SIPA1L1: variants seen among roughly 807,000 people sequenced by gnomAD.
SIPA1L1 encodes signal induced proliferation associated 1 like 1.
SIPA1L1 carries 26 observed loss-of-function variants against 162.7 expected under a neutral mutation model. The observed-to-expected ratio is 0.16, with a 90% CI of 0.12 to 0.22. The LOEUF (loss-of-function observed/expected upper bound fraction) is 0.22. Ranked by LOEUF, SIPA1L1 falls within the 10% of genes least tolerant of loss-of-function variation. The pLI, the probability that SIPA1L1 is intolerant of heterozygous loss-of-function variation, is 1.00. For missense variants in SIPA1L1, 1,874 were observed against 2,241.0 expected (o/e 0.84, Z 3.31); for synonymous variants, 829 against 837.4 (o/e 0.99, Z 0.17).
At chr14:71,571,568 A>G (rs1355449532) in intron 4 of SIPA1L1, among the ~76,000 whole-genome samples, 1 of 152,192 alleles carries the variant, frequency 6.6e-6, no homozygotes, top group African/African-American at 2.4e-5. Flanking sequence ...AGTTAATGAA[A>G]TAATACCTTT....
chr14:71,580,185 C>T (rs1034545245), intron 4 of SIPA1L1, among the ~76,000 whole-genome samples: 2 of 152,176 alleles, frequency 1.3e-5, no homozygotes, highest in African/African-American at 4.8e-5. Flanking sequence ...TTCTTCTTCC[C>T]CAGTATGCGA....
At chr14:71,554,430 G>C (rs540277131) in intron 4 of SIPA1L1, among the ~76,000 whole-genome samples, 1 of 152,100 alleles carries the variant, frequency 6.6e-6, no homozygotes, top group African/African-American at 2.4e-5. Context: ...AAATGTATCT[G>C]CTTTTCTGAT....
At chr14:71,421,182 TA>T (rs2043161995) in intron 2 of SIPA1L1, among the ~76,000 whole-genome samples, 1 of 152,258 alleles carries the variant, frequency 6.6e-6, no homozygotes, top group African/African-American at 2.4e-5. Flanking sequence ...TTTTTATACT[TA>T]ACGATTGAAT....
chr14:71,370,222 G>T (rs1460226031), intron 2 of SIPA1L1, among the ~76,000 whole-genome samples: 4 of 149,842 alleles, frequency 2.7e-5, no homozygotes, highest in African/African-American at 9.9e-5. Context: ...GGTGAGAGAG[G>T]GCATCCCTGT....
intron 2 of SIPA1L1, among the ~76,000 whole-genome samples, chr14:71,393,450 G>A (rs1380596745): frequency 6.6e-6 from 1 of 152,180 alleles, no homozygotes; most frequent in Admixed American, 6.5e-5. Context: ...GGAGCTCATA[G>A]TTTGCCAAAG....
At chr14:71,532,709 G>C (rs914779495) in intron 4 of SIPA1L1, among the ~76,000 whole-genome samples, 5 of 152,198 alleles carry the variant, frequency 3.3e-5, no homozygotes, top group African/African-American at 1.2e-4. Flanking sequence ...TTCTTTAAAA[G>C]TATTATAGAG....
At chr14:71,618,621 G>T (rs896096016) in intron 5 of SIPA1L1, 136 bp from the exon 6 acceptor site, 1 of 757,170 alleles carries the variant, frequency 1.3e-6, no homozygotes, top group Admixed American at 3.1e-5. Flanking sequence ...ACTAACTGAA[G>T]AATATTAATA....
At chr14:71,524,114 T>C (rs1314784078) in intron 3 of SIPA1L1, among the ~76,000 whole-genome samples, 3 of 147,900 alleles carry the variant, frequency 2.0e-5, no homozygotes, top group Non-Finnish European at 4.6e-5. Flanking sequence ...TATACACATA[T>C]CTACATTTAT....
At chr14:71,731,027 C>T (rs1351042211) in intron 20 of SIPA1L1, among the ~76,000 whole-genome samples, 2 of 152,178 alleles carry the variant, frequency 1.3e-5, no homozygotes, top group Non-Finnish European at 2.9e-5. Context: ...GTCACGGAAC[C>T]AGTGTTCTTG....
chr14:71,690,279 TCTCA>T (rs2081163628), intron 13 of SIPA1L1, among the ~76,000 whole-genome samples: 1 of 151,806 alleles, frequency 6.6e-6, no homozygotes, highest in South Asian at 2.1e-4. Context: ...TGTGACAGGG[TCTCA>T]CTCTGTCGCA....
chr14:71,638,602 A>C (rs763611739), intron 7 of SIPA1L1, among the ~76,000 whole-genome samples: 2 of 152,256 alleles, frequency 1.3e-5, no homozygotes, highest in Non-Finnish European at 2.9e-5. Context: ...GAGAAAGGGA[A>C]GGATATGTGC....
In SIPA1L1 at chr14:71,588,824, T is replaced by G; in HGVS notation, c.952T>G (p.Ser318Ala). 1 of 1,614,094 alleles carries G rather than the reference T, an allele frequency of 6.2e-7. No homozygotes were observed. The highest frequency in any genetic ancestry group is 2.2e-5 in the East Asian group (1 of 44,866). The change falls in exon 5 of 24, where the codon TCA (serine) becomes GCA (alanine). Residue 318 changes from serine (S) to alanine (A), a missense_variant. Ser to Ala is a moderately conservative substitution (Grantham distance 99). This residue lies in a region of SIPA1L1 where 685 missense variants were observed against 828.0 expected (regional missense o/e 0.83). Coordinates refer to ENST00000381232, the MANE Select transcript of SIPA1L1 (RefSeq NM_001386936.1). This position sits in a 1 kb window ranked among gnomAD's most constrained non-coding sequence, Gnocchi z 4.3. ...GTCATCAGATCTTGAAGATAACCGA[T>G]CAGAAGACTCTGTCAGGCCCTGGAC... is the stretch of plus-strand genomic sequence containing the variant. ...GKSSDLEDNRSEDSVRPWTCP... is the reference protein window; with the variant it reads ...GKSSDLEDNRAEDSVRPWTCP...
intron 2 of SIPA1L1, among the ~76,000 whole-genome samples, chr14:71,431,875 G>T (rs1010901856): frequency 6.6e-6 from 1 of 152,098 alleles, no homozygotes; most frequent in African/African-American, 2.4e-5. Context: ...TTTATTTAAT[G>T]TGTGTACACA....
chr14:71,562,357 A>G (rs1297497272), intron 4 of SIPA1L1, among the ~76,000 whole-genome samples: 1 of 152,160 alleles, frequency 6.6e-6, no homozygotes, highest in Non-Finnish European at 1.5e-5. Flanking sequence ...AATAGAACCC[A>G]TAAGAAACTT....
At chr14:71,708,599 A>G (rs1012686614) in intron 16 of SIPA1L1, among the ~76,000 whole-genome samples, 1 of 152,198 alleles carries the variant, frequency 6.6e-6, no homozygotes, top group Non-Finnish European at 1.5e-5. Flanking sequence ...TGCTGGGACT[A>G]TAGGTGTGAG....
At chr14:71,575,253 C>A (rs141164958) in intron 4 of SIPA1L1, among the ~76,000 whole-genome samples, 2 of 152,190 alleles carry the variant, frequency 1.3e-5, no homozygotes, top group East Asian at 3.9e-4. Context: ...CTGACTGTCC[C>A]TTGCACTGGA....
At chr14:71,558,263 C>G (rs2146491024) in intron 4 of SIPA1L1, among the ~76,000 whole-genome samples, 1 of 152,198 alleles carries the variant, frequency 6.6e-6, no homozygotes, top group Non-Finnish European at 1.5e-5. Flanking sequence ...AAAAGAAATA[C>G]TTCTGCTTGA....
At chr14:71,417,973 G>C (rs912826791) in intron 2 of SIPA1L1, among the ~76,000 whole-genome samples, 1 of 152,120 alleles carries the variant, frequency 6.6e-6, no homozygotes, top group African/African-American at 2.4e-5. Flanking sequence ...TGTTCTTAAA[G>C]AAGAAAATGA....
intron 7 of SIPA1L1, among the ~76,000 whole-genome samples, chr14:71,626,882 A>T (rs1045330050): frequency 6.6e-6 from 1 of 152,040 alleles, no homozygotes. Flanking sequence ...TGGTGCTTTA[A>T]TTCCTCATTT....
Sources: allele counts gnomAD v4.1 joint callset (sites outside exome capture counted in the v4.1 genomes callset), GRCh38; gene constraint gnomAD v4.1.1; regional missense constraint gnomAD v4.1.1; non-coding constraint Gnocchi (gnomAD v3.1); transcripts MANE v1.5; gene names NCBI Gene and HGNC (gene_info 2026-07-23, HGNC 2026-07-21).